Variants in ZDHHC4 observed in about 807,000 individuals in gnomAD.
ZDHHC4 encodes zDHHC palmitoyltransferase 4, also known as palmitoyltransferase ZDHHC4.
Under a neutral mutation model 36.7 loss-of-function variants are expected in ZDHHC4, and 42 were observed. The observed-to-expected ratio is 1.14, with a 90% CI of 0.89 to 1.48. ZDHHC4 has a LOEUF of 1.48. Among genes scored for constraint, ZDHHC4 ranks in the 40% most tolerant of loss-of-function variants. The pLI, the probability that ZDHHC4 is intolerant of heterozygous loss-of-function variation, is 0.00. For missense variants in ZDHHC4, 457 were observed against 421.5 expected (o/e 1.08, Z -0.74); for synonymous variants, 189 against 166.6 (o/e 1.13, Z -1.03).
chr7:6,585,540 C>T (rs1447806736), intron 7 of ZDHHC4, among the ~76,000 whole-genome samples: 2 of 152,140 alleles, frequency 1.3e-5, no homozygotes, highest in Non-Finnish European at 2.9e-5. Flanking sequence ...TGCAGTGGCT[C>T]ATGCCTGTAA....
chr7:6,579,520 G>A (rs1230433825), intron 2 of ZDHHC4, among the ~76,000 whole-genome samples: 1 of 152,128 alleles, frequency 6.6e-6, no homozygotes, highest in East Asian at 1.9e-4. Context: ...GTATTTTAAC[G>A]CAGGCCTGTG....
Position 6,583,382 on chromosome 7 carries a change from G to C in ZDHHC4, c.447G>C (p.Val149=), listed in dbSNP as rs375537163. Residue 149 remains valine, a synonymous_variant, in exon 6 of 8, where the codon GTG becomes GTC. Coordinates refer to ENST00000335965, the MANE Select transcript of ZDHHC4 (RefSeq NM_001134389.2). The stretch of plus-strand genomic sequence containing the variant: ...ATGAAGTGATGTTTCCAAAGAACGT[G>C]AGGTGCTCTACTTGTGATTTAAGGA... ...EFDEVMFPKN[V]RCSTCDLRKP... The C allele has an allele frequency of 4.3e-5, 69 of 1,613,876 alleles. No individual in the cohort carries two copies. Among genetic ancestry groups the C allele is most frequent in the Non-Finnish European group, 4.8e-5 (57 of 1,179,946 alleles).
intron 6 of ZDHHC4, 90 bp from the exon 7 acceptor site, chr7:6,584,926 A>T: frequency 6.5e-7 from 1 of 1,541,214 alleles, no homozygotes; most frequent in East Asian, 2.3e-5. Context: ...TGACACATCC[A>T]GTGGACAGAT....
rs1781496360 is a variant in ZDHHC4, at chr7:6,589,269, G to T, written c.*359G>T. On this transcript the variant is annotated 3_prime_UTR_variant, in exon 8 of 8. Transcript: ENST00000335965. Reference sequence around the variant, plus strand: ...GGTCTCATTGACTCAGCGCCTGCGCGTTGTGCCTGGCTGTGCTCTCTTTTA... The same window carrying T: ...GGTCTCATTGACTCAGCGCCTGCGCTTTGTGCCTGGCTGTGCTCTCTTTTA... 4.5e-5 allele frequency: 11 copies of T among 243,284 alleles called. No homozygotes were observed. The South Asian group carries it at 6.5e-4, about 14-fold the overall frequency. 15.1% of individuals were successfully genotyped at this position (243,284 alleles called of 1,614,324 possible). A position where few individuals can be genotyped will look rare whatever the true frequency, so the allele number is the denominator to read the frequency against.
At chr7:6,581,037 C>T (rs534880456) in intron 3 of ZDHHC4, 8 of 279,068 alleles carry the variant, frequency 2.9e-5, no homozygotes, top group Admixed American at 9.9e-5. Context: ...AGTCCTCTTG[C>T]GGTGGTGCTT....
chr7:6,582,381 A>G (rs1165984343), intron 5 of ZDHHC4, 130 bp downstream of exon 5: 1 of 911,110 alleles, frequency 1.1e-6, no homozygotes, highest in Non-Finnish European at 1.6e-6. Context: ...ATTACCTTTC[A>G]GTTTTGAGTG....
chr7:6,585,613 T>C (rs1321199681), intron 7 of ZDHHC4, among the ~76,000 whole-genome samples: 1 of 152,134 alleles, frequency 6.6e-6, no homozygotes, highest in Non-Finnish European at 1.5e-5. Context: ...GAGACCAGCC[T>C]GGGCAACATG....
Position 6,589,093 on chromosome 7 carries a change from C to T in ZDHHC4, c.*183C>T. ...CCCCCTTGCTTGTCTTCTTTTGAAA[C>T]CGGGCATCTCTGAAGTCCTGGTGTC... On this transcript the variant is annotated 3_prime_UTR_variant, in exon 8 of 8. Transcript: ENST00000335965. 2.8e-6 allele frequency: 2 copies of T among 702,682 alleles called. No individual in the cohort carries two copies. Among genetic ancestry groups the T allele is most frequent in the Non-Finnish European group, 4.6e-6 (2 of 434,072 alleles). The allele number at this position is 702,682 out of a possible 1,614,324, so 43.5% of individuals were successfully genotyped here.
At position 6,580,475 on chromosome 7, in the gene ZDHHC4, G is replaced by A. The variant is rs148361430; in HGVS notation, c.-7-80G>A. On this transcript the variant is annotated intron_variant, in intron 2 of 7. Coordinates refer to ENST00000335965, the MANE Select transcript of ZDHHC4 (RefSeq NM_001134389.2). ...ATGAATTCTGTTTTGGTAGCCATTT[G>A]GGAGTTGATGTCTGAGAATGTGTGC... 5.1e-5 allele frequency: 58 copies of A among 1,144,202 alleles called. No homozygotes were observed. The African/African-American group carries it at 7.3e-4, about 14-fold the overall frequency. The allele number at this position is 1,144,202 out of a possible 1,614,324, so 70.9% of individuals were successfully genotyped here.
intron 5 of ZDHHC4, 61 bp downstream of exon 5, chr7:6,582,312 G>A: frequency 6.8e-7 from 1 of 1,460,860 alleles, no homozygotes; most frequent in East Asian, 2.3e-5. Flanking sequence ...TAATAGTGCT[G>A]CAAACAAGGA....
At chr7:6,587,512 C>T (rs1054638891) in intron 7 of ZDHHC4, among the ~76,000 whole-genome samples, 10 of 152,160 alleles carry the variant, frequency 6.6e-5, no homozygotes, top group Non-Finnish European at 1.3e-4. Context: ...CTTTAAGCAG[C>T]GCAGTTCCTA....
intron 3 of ZDHHC4, 125 bp from the exon 4 acceptor site, chr7:6,581,482 C>T (rs1362697135): frequency 2.8e-6 from 2 of 707,408 alleles, no homozygotes; most frequent in African/African-American, 1.8e-5. Flanking sequence ...ATCACTTCTT[C>T]ACCCATATAG....
Position 6,585,267 on chromosome 7 carries a change from A to G in ZDHHC4, c.741+7A>G. On this transcript the variant is annotated splice_region_variant and intron_variant, in intron 7 of 7. Coordinates refer to ENST00000335965, the MANE Select transcript of ZDHHC4 (RefSeq NM_001134389.2). ...CACGGTCTTTCTTATTCAGGTAATT[A>G]TGCTGTAGGTTTCTGACTTCAAGTT... 6.2e-7 allele frequency: 1 copy of G among 1,604,930 alleles called. No individual in the cohort carries two copies. The highest frequency in any genetic ancestry group is 8.5e-7 in the Non-Finnish European group (1 of 1,173,806).
At chr7:6,580,501 C>T in intron 2 of ZDHHC4, 54 bp from the exon 3 acceptor site, 1 of 1,451,458 alleles carries the variant, frequency 6.9e-7, no homozygotes, top group Non-Finnish European at 9.7e-7. Flanking sequence ...GAATGTGTGC[C>T]ATGGAAGAAA....
chr7:6,581,697 G>T lies in ZDHHC4; in HGVS notation c.191+17G>T, dbSNP rs775598997. ...CCATACGAGGTATTTCTCTTTCAGA[G>T]TTTAAATATTCTCCTCTTTTCTGCT... On this transcript the variant is annotated intron_variant, in intron 4 of 7. Coordinates refer to ENST00000335965, the MANE Select transcript of ZDHHC4 (RefSeq NM_001134389.2). The T allele has an allele frequency of 6.4e-7, 1 of 1,570,466 alleles. No homozygotes were observed. The highest frequency in any genetic ancestry group is 1.4e-5 in the African/African-American group (1 of 73,698).
chr7:6,584,441 C>T (rs1781082041), intron 6 of ZDHHC4: 1 of 152,470 alleles, frequency 6.6e-6, no homozygotes, highest in African/African-American at 2.4e-5. Context: ...TCCATGTCTA[C>T]ATTGACATAA....
intron 2 of ZDHHC4, among the ~76,000 whole-genome samples, chr7:6,579,744 G>T (rs1194721276): frequency 6.6e-6 from 1 of 152,220 alleles, no homozygotes; most frequent in Non-Finnish European, 1.5e-5. Context: ...ATGCCTGGGG[G>T]CAAGGAAGGA....
intron 7 of ZDHHC4, among the ~76,000 whole-genome samples, chr7:6,585,830 TTTTTCC>T (rs1781206691): frequency 1.3e-5 from 2 of 151,204 alleles, no homozygotes; most frequent in African/African-American, 4.9e-5. Flanking sequence ...AAACGTGAAG[TTTTTCC>T]TTTTTCTAAA....
In ZDHHC4 at chr7:6,585,044, C is replaced by T. The variant is rs769827138; in HGVS notation, c.525C>T (p.Phe175=). The stretch of plus-strand genomic sequence containing the variant: ...TGTGTAACTGGTGTGTGCACCGTTT[C>T]GACCATCACTGTGTTTGGGTGAACA... ...CSVCNWCVHR[F]DHHCVWVNNC... is the part of the protein sequence containing the mutation. The change falls in exon 7 of 8, where the codon TTC becomes TTT. Residue 175 remains phenylalanine, a synonymous_variant. Transcript: ENST00000335965. 71 of 1,614,018 alleles carry T rather than the reference C, an allele frequency of 4.4e-5. No homozygotes were observed. The highest frequency in any genetic ancestry group is 5.1e-5 in the Non-Finnish European group (60 of 1,180,040).
Sources: allele counts gnomAD v4.1 joint callset (sites outside exome capture counted in the v4.1 genomes callset), GRCh38; gene constraint gnomAD v4.1.1; transcripts MANE v1.5; gene names NCBI Gene and HGNC (gene_info 2026-07-23, HGNC 2026-07-21).